SELP: variants seen among roughly 807,000 people sequenced by gnomAD.
The protein encoded by SELP is P-selectin.
Under a neutral mutation model 104.1 loss-of-function variants are expected in SELP, and 92 were observed. That is an observed-to-expected ratio of 0.88 (90% CI 0.75 to 1.05). SELP has a LOEUF of 1.05. SELP is among the 50% of genes least tolerant of loss of function. The pLI is 0.00. For synonymous variants in SELP, 397 were observed against 364.5 expected (o/e 1.09, Z -1.01); for missense variants, 1,022 against 1,017.3 (o/e 1.00, Z -0.06).
At chr1:169,609,365 G>A (rs897869762) in intron 8 of SELP, 139 bp downstream of exon 8, 15 of 797,322 alleles carry the variant, frequency 1.9e-5, no homozygotes, top group Admixed American at 3.0e-5. Context: ...CTCATCCCTG[G>A]TCCCAAGCAC....
chr1:169,623,495 T>G (rs972835057), intron 1 of SELP, among the ~76,000 whole-genome samples: 1 of 152,222 alleles, frequency 6.6e-6, no homozygotes, highest in African/African-American at 2.4e-5. Flanking sequence ...TTGAACTTTT[T>G]TTAAGCAAAA....
At chr1:169,624,707 C>T (rs148306037) in intron 1 of SELP, among the ~76,000 whole-genome samples, 3 of 152,294 alleles carry the variant, frequency 2.0e-5, no homozygotes, top group African/African-American at 7.2e-5. Flanking sequence ...CGAGACACTC[C>T]AGCCTTGGCA....
intron 13 of SELP, 47 bp downstream of exon 13, chr1:169,594,645 T>C (rs779335207): frequency 1.9e-6 from 3 of 1,571,524 alleles, no homozygotes; most frequent in Admixed American, 3.5e-5. Flanking sequence ...ACTGATTTTG[T>C]TATTTTCCAC....
At chr1:169,608,891 C>A (rs3917871) in intron 8 of SELP, among the ~76,000 whole-genome samples, 11 of 152,252 alleles carry the variant, frequency 7.2e-5, no homozygotes, top group South Asian at 2.1e-4. Context: ...ACCCGCCCCC[C>A]ATGAGTGCCT....
At chr1:169,611,387 G>T in intron 7 of SELP, 105 bp downstream of exon 7, 1 of 1,174,536 alleles carries the variant, frequency 8.5e-7, no homozygotes. Flanking sequence ...TTGCTCTAGT[G>T]CAAGAACTTA....
intron 10 of SELP, among the ~76,000 whole-genome samples, chr1:169,600,026 T>TA (rs2101879254): frequency 6.6e-6 from 1 of 152,278 alleles, no homozygotes; most frequent in African/African-American, 2.4e-5. Flanking sequence ...ACAGGAGGGA[T>TA]ACGGAAACTG....
intron 1 of SELP, among the ~76,000 whole-genome samples, chr1:169,624,542 G>C (rs1663282043): frequency 6.6e-6 from 1 of 152,134 alleles, no homozygotes; most frequent in Non-Finnish European, 1.5e-5. Context: ...TTGAGGTCAG[G>C]AGTTCGAGAA....
At chr1:169,602,002 C>A (rs1661932115) in intron 10 of SELP, among the ~76,000 whole-genome samples, 1 of 152,152 alleles carries the variant, frequency 6.6e-6, no homozygotes, top group African/African-American at 2.4e-5. Context: ...CAGTGCACTT[C>A]TATTTTAGAA....
intron 10 of SELP, among the ~76,000 whole-genome samples, chr1:169,599,613 T>A (rs1201214083): frequency 6.6e-6 from 1 of 152,310 alleles, no homozygotes; most frequent in East Asian, 1.9e-4. Flanking sequence ...TTACTTGAGT[T>A]TGATAGAGTT....
Position 169,594,872 on chromosome 1 carries a change from T to C in SELP, c.2107A>G (p.Lys703Glu). ...TTATTAACATGTAGTTCTGAGCATT[T>C]CACAGCTGCAGAAAAGAAATAATGC... ...TAVTPACRAV[K>E]CSELHVNKPI... The change falls in exon 13 of 17, where the codon AAA becomes GAA. Residue 703 changes from lysine to glutamate, a missense_variant. Physicochemically the swap from Lys to Glu is moderately conservative, Grantham distance 56 (BLOSUM62 1). Transcript: ENST00000263686. 1 of 1,610,092 alleles carries C rather than the reference T, an allele frequency of 6.2e-7. No individual in the cohort carries two copies. Among genetic ancestry groups the C allele is most frequent in the Non-Finnish European group, 8.5e-7 (1 of 1,177,282 alleles).
At chr1:169,595,279 G>T (rs1661548096) in intron 12 of SELP, among the ~76,000 whole-genome samples, 1 of 152,158 alleles carries the variant, frequency 6.6e-6, no homozygotes, top group African/African-American at 2.4e-5. Context: ...AGCATATCTG[G>T]ACACTGGAAG....
At position 169,596,044 on chromosome 1, in the gene SELP, G is replaced by A; in HGVS notation, c.1982C>T (p.Thr661Ile). Residue 661 changes from threonine to isoleucine, a missense_variant, in exon 12 of 17, where the codon ACC (threonine) becomes ATC (isoleucine). By Grantham distance (89) the Thr-to-Ile change is moderately conservative. Coordinates refer to ENST00000263686, the MANE Select transcript of SELP (RefSeq NM_003005.4). Reference protein sequence around the residue: ...GTMYCRHHPGTFGFNTTCYFG... With the variant: ...GTMYCRHHPGIFGFNTTCYFG... ...GTAACAAGTGGTATTAAAACCAAAGGTTCCCGGATGATGCCTACAGTACAT... is the reference window on the plus strand; with the variant it reads ...GTAACAAGTGGTATTAAAACCAAAGATTCCCGGATGATGCCTACAGTACAT... 1.2e-6 allele frequency: 2 copies of A among 1,613,942 alleles called. No homozygotes were observed. Among genetic ancestry groups the A allele is most frequent in the Non-Finnish European group, 8.5e-7 (1 of 1,179,860 alleles).
rs759545012 is a variant in SELP at position 169,612,900 on chromosome 1, T to G, written c.775+29A>C. 4.6e-6 allele frequency: 7 copies of G among 1,524,014 alleles called. No homozygotes were observed. In the South Asian group the frequency reaches 7.6e-5, roughly 17 times the overall value. The allele number at this position is 1,524,014 out of a possible 1,614,324, so 94.4% of individuals were successfully genotyped here. ...CTTCTCCCCCAAAATTCTATGTCAG[T>G]GAGGATGAAAAGAATAAGGTCTACA... On this transcript the variant is annotated intron_variant, in intron 5 of 16. Transcript: ENST00000263686.
Position 169,611,502 on chromosome 1 carries a change from T to C in SELP, c.1137A>G (p.Pro379=), listed in dbSNP as rs776012933. 6.2e-7 allele frequency: 1 copy of C among 1,613,802 alleles called. No individual in the cohort carries two copies. ...IDSGHWSAPL[P]TCEAISCEPL... ...AATGAAAAATCCTACCCTCACAGGT[T>C]GGCAAGGGTGCAGACCAGTGTCCAG... is the stretch of plus-strand genomic sequence containing the variant. The change falls in exon 7 of 17, where the codon CCA becomes CCG. Residue 379 remains proline, a synonymous_variant. Coordinates refer to ENST00000263686, the MANE Select transcript of SELP (RefSeq NM_003005.4).
intron 1 of SELP, among the ~76,000 whole-genome samples, chr1:169,620,006 G>A (rs1194703130): frequency 6.6e-6 from 1 of 151,974 alleles, no homozygotes; most frequent in African/African-American, 2.4e-5. Flanking sequence ...TTCAAGACCA[G>A]CCTGGCCAAC....
chr1:169,606,988 C>T lies in SELP; in HGVS notation c.1480G>A (p.Ala494Thr). The change falls in exon 9 of 17, where the codon GCT becomes ACT. Residue 494 changes from alanine to threonine, a missense_variant. Ala to Thr is a moderately conservative substitution (Grantham distance 58, BLOSUM62 0). Coordinates refer to ENST00000263686, the MANE Select transcript of SELP (RefSeq NM_003005.4). Reference sequence around the variant, plus strand: ...GGAACAGAATTCCAGTTTCCAGTAGCCAAGCACTGTAGCACACTTGCTCCC... The same window carrying T: ...GGAACAGAATTCCAGTTTCCAGTAGTCAAGCACTGTAGCACACTTGCTCCC... Reference protein sequence around the residue: ...LVGASVLQCLATGNWNSVPPE... With the variant: ...LVGASVLQCLTTGNWNSVPPE... 6.2e-7 allele frequency: 1 copy of T among 1,613,650 alleles called. No individual in the cohort carries two copies. The highest frequency in any genetic ancestry group is 1.3e-5 in the African/African-American group (1 of 74,974).
rs1189591231 is a variant in SELP at position 169,613,044 on chromosome 1, G to C, written c.660C>G (p.Phe220Leu). The part of the protein sequence containing the change: ...LMNCSHPLGN[F>L]SFNSQCSFHC... The stretch of plus-strand genomic sequence containing the variant: ...GGAAGCTGCACTGCGAGTTAAAAGA[G>C]AAGTTTCCCAGAGGGTGGCTGCAGT... Residue 220 changes from phenylalanine (F) to leucine (L), a missense_variant, in exon 5 of 17, where the codon TTC (phenylalanine) becomes TTG (leucine). Physicochemically the swap from Phe to Leu is conservative, Grantham distance 22. Transcript: ENST00000263686. The C allele has an allele frequency of 6.2e-7, 1 of 1,613,864 alleles. No homozygotes were observed. Among genetic ancestry groups the C allele is most frequent in the Non-Finnish European group, 8.5e-7 (1 of 1,179,838 alleles).
intron 7 of SELP, 90 bp downstream of exon 7, chr1:169,611,401 GA>G (rs1662523200): frequency 7.6e-7 from 1 of 1,312,684 alleles, no homozygotes; most frequent in Non-Finnish European, 1.1e-6. Flanking sequence ...GAACTTAGAA[GA>G]GATCACCCCG....
intron 12 of SELP, 49 bp downstream of exon 12, chr1:169,595,876 G>T: frequency 6.5e-7 from 1 of 1,547,868 alleles, no homozygotes. Flanking sequence ...GCTAGCTTGA[G>T]TACTTGCAGG....
Sources: allele counts gnomAD v4.1 joint callset (sites outside exome capture counted in the v4.1 genomes callset), GRCh38; gene constraint gnomAD v4.1.1; transcripts MANE v1.5; gene names NCBI Gene and HGNC (gene_info 2026-07-23, HGNC 2026-07-21).